The following CHD3 variants were observed in gnomAD, a reference collection of about 807,000 sequenced individuals.
CHD3 encodes the protein chromodomain helicase DNA binding protein 3.
CHD3 carries 52 observed loss-of-function variants against 248.9 expected under a neutral mutation model. That is an observed-to-expected ratio of 0.21 (90% confidence interval 0.17 to 0.26). The LOEUF (loss-of-function observed/expected upper bound fraction) is 0.26, where lower values mean the gene tolerates loss of function less well. Among genes scored for constraint, CHD3 ranks in the 10% least tolerant of loss-of-function variants. CHD3 has a pLI of 1.00. For synonymous variants in CHD3, 985 were observed against 985.2 expected (o/e 1.00, Z 0.00); for missense variants, 1,482 against 2,605.8 (o/e 0.57, Z 9.39).
At chr17:7,888,501 A>G (rs1968340502), upstream of CHD3, among the ~76,000 whole-genome samples, 1 of 152,064 alleles carries the variant, frequency 6.6e-6, no homozygotes, top group South Asian at 2.1e-4. Context: ...CGTGAACCAG[A>G]GCCCCAGGGC....
In CHD3 at chr17:7,906,589, G is replaced by A. The variant is rs1199143929; in HGVS notation, c.4395G>A (p.Glu1465=). The A allele has an allele frequency of 1.9e-6, 3 of 1,613,968 alleles. No individual in the cohort carries two copies. Among genetic ancestry groups the A allele is most frequent in the African/African-American group, 1.3e-5 (1 of 74,962 alleles). Residue 1465 remains glutamate (E), a synonymous_variant, in exon 29 of 40, where the codon GAG becomes GAA. Coordinates refer to ENST00000330494, the MANE Select transcript of CHD3 (RefSeq NM_001005273.3). This position sits in a 1 kb window ranked among gnomAD's most constrained non-coding sequence, Gnocchi z 5.0. ...CTTTGTTCATGCGCCATCTGTGTGAGCCTGGGGCAGACGGCTCTGAAACCT... is the reference window on the plus strand; with the variant it reads ...CTTTGTTCATGCGCCATCTGTGTGAACCTGGGGCAGACGGCTCTGAAACCT... ...YVSLFMRHLC[E]PGADGSETFA... is the part of the protein sequence containing the mutation.
intron 4 of CHD3, 107 bp from the exon 5 acceptor site, chr17:7,893,179 A>G: frequency 1.4e-6 from 2 of 1,428,958 alleles, no homozygotes; most frequent in Non-Finnish European, 1.8e-6. Context: ...ACATATTCTC[A>G]CCACCCAGGA....
Position 7,908,698 on chromosome 17 carries a change from C to A in CHD3, c.5263C>A (p.His1755Asn). 6.2e-7 allele frequency: 1 copy of A among 1,614,142 alleles called. No homozygotes were observed. The highest frequency in any genetic ancestry group is 8.5e-7 in the Non-Finnish European group (1 of 1,179,982). The change falls in exon 36 of 40, where the codon CAT becomes AAT. Residue 1755 changes from histidine to asparagine, a missense_variant and splice_region_variant. Physicochemically the swap from His to Asn is moderately conservative, Grantham distance 68. Coordinates refer to ENST00000330494, the MANE Select transcript of CHD3 (RefSeq NM_001005273.3). This position sits in a 1 kb window ranked among gnomAD's most constrained non-coding sequence, Gnocchi z 5.8. ...TGGTTCCTTTTCCTTCATTGGTAGC[C>A]ATGGCTATGCACGGTGGCAGGACAT... Reference protein sequence around the residue: ...DYWLLAGIVLHGYARWQDIQN... With the variant: ...DYWLLAGIVLNGYARWQDIQN...
chr17:7,902,473 G>A lies in CHD3; in HGVS notation c.3253-137G>A, dbSNP rs11867454. 8.5e-4 allele frequency: 430 copies of A among 503,732 alleles called. 2 individuals are homozygous for A. The highest frequency in any genetic ancestry group is 7.5e-3 in the African/African-American group (383 of 51,100). The allele number at this position is 503,732 out of a possible 1,614,324, so 31.2% of individuals were successfully genotyped here. ...AGAAAAGAGAGTGTGACAAGAAGGT[G>A]GAATAATGAGGAGCTTAAGACAGGG... On this transcript the variant is annotated intron_variant, in intron 20 of 39. Coordinates refer to ENST00000330494, the MANE Select transcript of CHD3 (RefSeq NM_001005273.3).
In CHD3 at chr17:7,888,839, A is replaced by G; in HGVS notation, c.-162A>G. 1 of 1,454,504 alleles carries G rather than the reference A, an allele frequency of 6.9e-7. No homozygotes were observed. The allele number at this position is 1,454,504 out of a possible 1,614,324, so 90.1% of individuals were successfully genotyped here. A position where few individuals can be genotyped will look rare whatever the true frequency, so the allele number is the denominator to read the frequency against. ...TGCGTATAGATGAATGGGTCAGGAT[A>G]TCTGGAACAAAATATGGAGGTGAAG... On this transcript the variant is annotated 5_prime_UTR_variant, in exon 1 of 40. In the 5' UTR this introduces an upstream ATG that the reference lacks. Coordinates refer to ENST00000330494, the MANE Select transcript of CHD3 (RefSeq NM_001005273.3).
At position 7,910,623 on chromosome 17, in the gene CHD3, C is replaced by T. The variant is rs748391954; in HGVS notation, c.5754+32C>T. 3 of 1,591,932 alleles carry T rather than the reference C, an allele frequency of 1.9e-6. No homozygotes were observed. The highest frequency in any genetic ancestry group is 1.1e-5 in the South Asian group (1 of 89,770). On this transcript the variant is annotated intron_variant, in intron 38 of 39. Transcript: ENST00000330494. This position sits in a 1 kb window ranked among gnomAD's most constrained non-coding sequence, Gnocchi z 4.7. ...CTCTTTCCCCCTAGCTCCAGTTTTC[C>T]CTGTTTGTGTTCCTCCTGCACACAT...
Position 7,889,670 on chromosome 17 carries a change from A to T in CHD3, c.107A>T (p.Asp36Val). 6.2e-7 allele frequency: 1 copy of T among 1,611,886 alleles called. No individual in the cohort carries two copies. Among genetic ancestry groups the T allele is most frequent in the Non-Finnish European group, 8.5e-7 (1 of 1,178,754 alleles). ...GATGCTTTTTGCTTCAAAGATAAGG[A>T]TGACATTCGGCTGCTGCCGTCAGCA... ...LCWGDRMPDK[D>V]DIRLLPSALG... The change falls in exon 2 of 40, where the codon GAT (aspartate) becomes GTT (valine). Residue 36 changes from aspartate to valine, a missense_variant. Physicochemically the swap from Asp to Val is radical, Grantham distance 152. Around this residue, in one of 20 missense-constraint regions of CHD3, gnomAD observed 169 missense variants for 168.1 expected, o/e 1.01. Coordinates refer to ENST00000330494, the MANE Select transcript of CHD3 (RefSeq NM_001005273.3). The surrounding 1 kb of genome is among the most constrained non-coding windows in gnomAD (Gnocchi z 4.5).
At chr17:7,893,121 T>A (rs1257688982) in intron 4 of CHD3, among the ~76,000 whole-genome samples, 165 bp from the exon 5 acceptor site, 1 of 152,138 alleles carries the variant, frequency 6.6e-6, no homozygotes, top group African/African-American at 2.4e-5. Flanking sequence ...CCGCTTTTTT[T>A]AAACTTCTTT....
Position 7,907,407 on chromosome 17 carries a change from A to T in CHD3, c.4843A>T (p.Ile1615Phe). ...SLGERLEPRK[I>F]PLEDEVPGVP... ...TGGGGAGCGGCTGGAGCCAAGGAAG[A>T]TTCCTCTAGAGGATGAGGTGCCAGG... The change falls in exon 32 of 40, where the codon ATT becomes TTT. Residue 1615 changes from isoleucine to phenylalanine, a missense_variant. Around this residue, in one of 20 missense-constraint regions of CHD3, gnomAD observed 254 missense variants for 266.7 expected, o/e 0.95. Coordinates refer to ENST00000330494, the MANE Select transcript of CHD3 (RefSeq NM_001005273.3). The surrounding 1 kb of genome is among the most constrained non-coding windows in gnomAD (Gnocchi z 4.3). 3 of 1,611,150 alleles carry T rather than the reference A, an allele frequency of 1.9e-6. No individual in the cohort carries two copies. Among genetic ancestry groups the T allele is most frequent in the Non-Finnish European group, 2.5e-6 (3 of 1,178,520 alleles).
At position 7,909,049 on chromosome 17, in the gene CHD3, A is replaced by AG; in HGVS notation, c.5395-91dup. 6.7e-7 allele frequency: 1 copy of AG among 1,503,742 alleles called. No individual in the cohort carries two copies. Among genetic ancestry groups the AG allele is most frequent in the Non-Finnish European group, 9.0e-7 (1 of 1,112,554 alleles). The allele number at this position is 1,503,742 out of a possible 1,614,324, so 93.1% of individuals were successfully genotyped here. A position where few individuals can be genotyped will look rare whatever the true frequency, so the allele number is the denominator to read the frequency against. ...CTGGGAGTGCCCTGGGCCAGCAGTGAGGGCAGGGTGGGTCTCTTGCTATGT... is the reference window on the plus strand; with the variant it reads ...CTGGGAGTGCCCTGGGCCAGCAGTGAGGGGCAGGGTGGGTCTCTTGCTATGT... On this transcript the variant is annotated intron_variant, in intron 36 of 39. Coordinates refer to ENST00000330494, the MANE Select transcript of CHD3 (RefSeq NM_001005273.3). The surrounding 1 kb of genome is among the most constrained non-coding windows in gnomAD (Gnocchi z 8.1).
rs766849668 is a variant in CHD3, at chr17:7,909,207, A to C, written c.5459A>C (p.Gln1820Pro). 6.5e-7 allele frequency: 1 copy of C among 1,549,372 alleles called. No homozygotes were observed. ...CGGGCGGCCTACCTGAACCTGTCGC[A>C]GGAGCCGGCGCACCCCGCCATGGCC... ...LRRAAYLNLS[Q>P]EPAHPAMALH... The change falls in exon 37 of 40, where the codon CAG (glutamine) becomes CCG (proline). Residue 1820 changes from glutamine to proline, a missense_variant. Physicochemically the swap from Gln to Pro is moderately conservative, Grantham distance 76 (BLOSUM62 -1). This residue lies in a region of CHD3 where 83 missense variants were observed against 181.0 expected (regional missense o/e 0.46). Coordinates refer to ENST00000330494, the MANE Select transcript of CHD3 (RefSeq NM_001005273.3). The surrounding 1 kb of genome is among the most constrained non-coding windows in gnomAD (Gnocchi z 8.1).
chr17:7,906,526 C>A lies in CHD3; in HGVS notation c.4359-27C>A, dbSNP rs1970974929. The A allele has an allele frequency of 1.9e-6, 3 of 1,613,062 alleles. No individual in the cohort carries two copies. The South Asian group carries it at 3.3e-5, about 18-fold the overall frequency. On this transcript the variant is annotated intron_variant, in intron 28 of 39. Coordinates refer to ENST00000330494, the MANE Select transcript of CHD3 (RefSeq NM_001005273.3). This position sits in a 1 kb window ranked among gnomAD's most constrained non-coding sequence, Gnocchi z 5.0. ...TATACCCCTTCTGTGGCTCCCCTAA[C>A]CCTCCTCCCACTCCCATGCTCCTTA... is the stretch of plus-strand genomic sequence containing the variant.
Position 7,909,771 on chromosome 17 carries a change from A to C in CHD3, c.5590+433A>C. ...CCCCATAAGGCAGAAACTACCACCC[A>C]TCCAACCCTCTGGCCTTACCCCATG... On this transcript the variant is annotated intron_variant, in intron 37 of 39. Coordinates refer to ENST00000330494, the MANE Select transcript of CHD3 (RefSeq NM_001005273.3). The surrounding 1 kb of genome is among the most constrained non-coding windows in gnomAD (Gnocchi z 8.1). 6 of 195,264 alleles carry C rather than the reference A, an allele frequency of 3.1e-5. No individual in the cohort carries two copies. Among genetic ancestry groups the C allele is most frequent in the East Asian group, 1.5e-4 (1 of 6,468 alleles). The allele number at this position is 195,264 out of a possible 1,614,324, so 12.1% of individuals were successfully genotyped here.
rs1685553964 is a variant in CHD3 at position 7,910,941 on chromosome 17, A to G, written c.5849A>G (p.Tyr1950Cys). 6.2e-7 allele frequency: 1 copy of G among 1,613,420 alleles called. No individual in the cohort carries two copies. Among genetic ancestry groups the G allele is most frequent in the Non-Finnish European group, 8.5e-7 (1 of 1,179,804 alleles). Residue 1950 changes from tyrosine (Y) to cysteine (C), a missense_variant, in exon 39 of 40, where the codon TAC becomes TGC. Coordinates refer to ENST00000330494, the MANE Select transcript of CHD3 (RefSeq NM_001005273.3). The surrounding 1 kb of genome is among the most constrained non-coding windows in gnomAD (Gnocchi z 4.7). ...VGALAAAGAN[Y>C]SQMPAGSFIT... is the part of the protein sequence containing the mutation. The stretch of plus-strand genomic sequence containing the variant: ...GCCCTGGCCGCCGCAGGCGCCAATT[A>G]CAGCCAGATGCCTGCAGGGTCCTTC...
rs981342025 is a variant in CHD3, at chr17:7,911,628, G to A, written c.*43G>A. On this transcript the variant is annotated 3_prime_UTR_variant, in exon 40 of 40. Coordinates refer to ENST00000330494, the MANE Select transcript of CHD3 (RefSeq NM_001005273.3). The surrounding 1 kb of genome is among the most constrained non-coding windows in gnomAD (Gnocchi z 5.4). ...CCTTCACCCAGGCCCCGTCCCCGAG[G>A]CCGACCCCCAGCTCAAGCGCTGGGG... 75 of 1,612,636 alleles carry A rather than the reference G, an allele frequency of 4.7e-5. 1 individual carries two copies. The highest frequency in any genetic ancestry group is 6.1e-5 in the Non-Finnish European group (72 of 1,179,224).
At chr17:7,885,024 T>A (rs1448091211), upstream of CHD3, 2 of 1,178,862 alleles carry the variant, frequency 1.7e-6, no homozygotes, top group African/African-American at 1.7e-5. Flanking sequence ...TGCCACCTCT[T>A]CCCGCCGCCG....
At position 7,907,980 on chromosome 17, in the gene CHD3, C is replaced by A. The variant is rs778182369; in HGVS notation, c.5113C>A (p.Pro1705Thr). 1.9e-6 allele frequency: 3 copies of A among 1,611,340 alleles called. No individual in the cohort carries two copies. The highest frequency in any genetic ancestry group is 2.5e-6 in the Non-Finnish European group (3 of 1,177,958). ...NGRREEKTEK[P>T]RFMFNIADGG... ...GCGACGAGAGGAAAAGACAGAGAAGCCCCGGTTCATGTTCAATATCGCCGA... is the reference window on the plus strand; with the variant it reads ...GCGACGAGAGGAAAAGACAGAGAAGACCCGGTTCATGTTCAATATCGCCGA... The change falls in exon 34 of 40, where the codon CCC becomes ACC. Residue 1705 changes from proline to threonine, a missense_variant. Around this residue, in one of 20 missense-constraint regions of CHD3, gnomAD observed 254 missense variants for 266.7 expected, o/e 0.95. Transcript: ENST00000330494. The surrounding 1 kb of genome is among the most constrained non-coding windows in gnomAD (Gnocchi z 4.3).
In CHD3 at chr17:7,905,301, G is replaced by A; in HGVS notation, c.4138+136G>A. 1 of 787,012 alleles carries A rather than the reference G, an allele frequency of 1.3e-6. No individual in the cohort carries two copies. The highest frequency in any genetic ancestry group is 1.7e-5 in the African/African-American group (1 of 58,750). The allele number at this position is 787,012 out of a possible 1,614,324, so 48.8% of individuals were successfully genotyped here. The stretch of plus-strand genomic sequence containing the variant: ...AACTCGATTGCAGATGAGCAGAAAG[G>A]AAGAAATATTCATAGTCTCTCTGCT... On this transcript the variant is annotated intron_variant, in intron 26 of 39. Transcript: ENST00000330494. This position sits in a 1 kb window ranked among gnomAD's most constrained non-coding sequence, Gnocchi z 5.8.
At position 7,897,154 on chromosome 17, in the gene CHD3, G is replaced by A. The variant is rs1969785077; in HGVS notation, c.1779G>A (p.Leu593=). The change falls in exon 11 of 40, where the codon CTG becomes CTA. Residue 593 remains leucine, a synonymous_variant. Transcript: ENST00000330494. This position sits in a 1 kb window ranked among gnomAD's most constrained non-coding sequence, Gnocchi z 4.8. ...RKNDMDEPPP[L]DYGSGEDDGK... ...ATGACATGGATGAGCCCCCACCCCT[G>A]GACTATGGCTCCGGCGAGGATGATG... 1 of 1,614,144 alleles carries A rather than the reference G, an allele frequency of 6.2e-7. No individual in the cohort carries two copies. The highest frequency in any genetic ancestry group is 8.5e-7 in the Non-Finnish European group (1 of 1,180,028).
Sources: allele counts gnomAD v4.1 joint callset (sites outside exome capture counted in the v4.1 genomes callset), GRCh38; gene constraint gnomAD v4.1.1; regional missense constraint gnomAD v4.1.1; non-coding constraint Gnocchi (gnomAD v3.1); transcripts MANE v1.5; gene names NCBI Gene and HGNC (gene_info 2026-07-23, HGNC 2026-07-21).